HIKESHI: variants seen among roughly 807,000 people sequenced by gnomAD.
The protein encoded by HIKESHI is heat shock protein nuclear import factor hikeshi, also known as protein Hikeshi.
Under a neutral mutation model 25.7 loss-of-function variants are expected in HIKESHI, and 13 were observed. The observed-to-expected ratio is 0.51, with a 90% CI of 0.33 to 0.80. HIKESHI has a LOEUF of 0.80. Ranked by LOEUF, HIKESHI falls within the 30% of genes least tolerant of loss-of-function variation. The pLI is 0.02. For synonymous variants in HIKESHI, 76 were observed against 78.7 expected (o/e 0.97, Z 0.18); for missense variants, 174 against 229.5 (o/e 0.76, Z 1.56).
At chr11:86,335,328 C>T (rs188031884) in intron 2 of HIKESHI, among the ~76,000 whole-genome samples, 1 of 152,202 alleles carries the variant, frequency 6.6e-6, no homozygotes, top group Admixed American at 6.5e-5. Flanking sequence ...GCTACTGTTG[C>T]CCGAGGCAAA....
intron 2 of HIKESHI, among the ~76,000 whole-genome samples, chr11:86,335,000 C>T (rs1947515731): frequency 6.6e-6 from 1 of 152,268 alleles, no homozygotes; most frequent in Middle Eastern, 3.4e-3. Flanking sequence ...ATCAGGGGAA[C>T]ATTTAATCAA....
chr11:86,340,511 A>G (rs553042987), intron 3 of HIKESHI, among the ~76,000 whole-genome samples: 1 of 152,322 alleles, frequency 6.6e-6, no homozygotes, highest in South Asian at 2.1e-4. Flanking sequence ...AGTGATGATG[A>G]GCATTTTTTC....
At chr11:86,326,461 GAAA>G in intron 2 of HIKESHI, 1 of 454,824 alleles carries the variant, frequency 2.2e-6, no homozygotes, top group Non-Finnish European at 4.4e-6. Context: ...AATTACAGAA[GAAA>G]AATTTTCTGT....
At chr11:86,336,464 TAAG>T (rs1190268365) in intron 2 of HIKESHI, among the ~76,000 whole-genome samples, 1 of 152,100 alleles carries the variant, frequency 6.6e-6, no homozygotes, top group South Asian at 2.1e-4. Context: ...CTTAGAGTAA[TAAG>T]AAGATCACTT....
At chr11:86,319,742 T>C (rs1284899892) in intron 2 of HIKESHI, among the ~76,000 whole-genome samples, 2 of 152,160 alleles carry the variant, frequency 1.3e-5, no homozygotes, top group African/African-American at 4.8e-5. Flanking sequence ...TTCTCTCTTC[T>C]CCATTTCCAA....
intron 3 of HIKESHI, among the ~76,000 whole-genome samples, chr11:86,340,879 G>A (rs7117940): frequency 2.9e-3 from 436 of 152,232 alleles, no homozygotes; most frequent in African/African-American, 0.01. Flanking sequence ...TCCTGACCTC[G>A]TGATCCACCC....
Position 86,308,239 on chromosome 11 carries a change from T to C in HIKESHI, c.268+1757T>C, listed in dbSNP as rs61904304. On this transcript the variant is annotated intron_variant, in intron 2 of 4. Transcript: ENST00000278483. ...TATATTACATATAAAATATATATTA[T>C]ATATAAAATATATATTACATATAAA... is the stretch of plus-strand genomic sequence containing the variant. 4.2e-4 allele frequency among the ~76,000 whole-genome samples: 43 copies of C among 103,608 alleles called. 2 individuals carry two copies. The highest frequency in any genetic ancestry group is 9.7e-4 in the African/African-American group (22 of 22,766). The allele number at this position is 103,608 out of a possible 152,430, so 68.0% of individuals were successfully genotyped here.
At chr11:86,313,843 A>T (rs1349462225) in intron 2 of HIKESHI, among the ~76,000 whole-genome samples, 1 of 152,214 alleles carries the variant, frequency 6.6e-6, no homozygotes, top group Non-Finnish European at 1.5e-5. Flanking sequence ...TTTGGCAGAC[A>T]AGTAGGACTT....
chr11:86,318,006 T>C (rs1396093155), intron 2 of HIKESHI, among the ~76,000 whole-genome samples: 2 of 151,752 alleles, frequency 1.3e-5, no homozygotes, highest in African/African-American at 4.8e-5. Context: ...CTTTCAAGAG[T>C]AGATTGAAAT....
chr11:86,336,083 T>C (rs1232857747), intron 2 of HIKESHI, among the ~76,000 whole-genome samples: 1 of 152,166 alleles, frequency 6.6e-6, no homozygotes, highest in Non-Finnish European at 1.5e-5. Context: ...AGTTTATAGC[T>C]GAAAAGTACA....
At chr11:86,323,531 A>T (rs886876953) in intron 2 of HIKESHI, among the ~76,000 whole-genome samples, 2 of 152,358 alleles carry the variant, frequency 1.3e-5, no homozygotes, top group African/African-American at 4.8e-5. Context: ...AGACATACCA[A>T]TCAAATTGTC....
In HIKESHI at chr11:86,322,479, A is replaced by G. The variant is rs548536070; in HGVS notation, c.269-14900A>G. Among the ~76,000 whole-genome samples the G allele has an allele frequency of 2.0e-5, 3 of 152,198 alleles. No individual in the cohort carries two copies. The South Asian group carries it at 6.2e-4, about 32-fold the overall frequency. ...TGTATATATGTACATGTGTATATAT[A>G]TTCTTGATACAAGTTCCTTATCAGG... On this transcript the variant is annotated intron_variant, in intron 2 of 4. Coordinates refer to ENST00000278483, the MANE Select transcript of HIKESHI (RefSeq NM_016401.4).
Position 86,330,400 on chromosome 11 carries a change from G to C in HIKESHI, c.269-6979G>C, listed in dbSNP as rs137913042. 4.6e-3 allele frequency among the ~76,000 whole-genome samples: 700 copies of C among 152,182 alleles called. 5 individuals are homozygous for C. The highest frequency in any genetic ancestry group is 0.016 in the African/African-American group (664 of 41,524). ...ATTTATCTTCATTCTCATCATATTT[G>C]TACCAAAATTCAACATTGCAGCCCT... On this transcript the variant is annotated intron_variant, in intron 2 of 4. Transcript: ENST00000278483.
intron 2 of HIKESHI, among the ~76,000 whole-genome samples, chr11:86,322,756 A>G (rs953562245): frequency 6.6e-6 from 1 of 152,144 alleles, no homozygotes; most frequent in African/African-American, 2.4e-5. Context: ...CTGGGATCCA[A>G]TTTGAATTAA....
chr11:86,331,373 C>T (rs1470524378), intron 2 of HIKESHI, among the ~76,000 whole-genome samples: 2 of 152,258 alleles, frequency 1.3e-5, no homozygotes, highest in Non-Finnish European at 2.9e-5. Flanking sequence ...CCTGTAATTT[C>T]AGCTACTCAG....
chr11:86,317,056 T>C (rs962993385), intron 2 of HIKESHI, among the ~76,000 whole-genome samples: 35 of 152,070 alleles, frequency 2.3e-4, no homozygotes, highest in African/African-American at 7.7e-4. Context: ...CCTCCCAAAG[T>C]GCTGGGATTA....
intron 3 of HIKESHI, 32 bp downstream of exon 3, chr11:86,337,562 C>T (rs752233049): frequency 1.3e-6 from 2 of 1,595,262 alleles, no homozygotes; most frequent in Non-Finnish European, 8.6e-7. Flanking sequence ...TCTTTACCTC[C>T]CCCTCCACTG....
chr11:86,344,504 C>A, intron 3 of HIKESHI, 99 bp from the exon 4 acceptor site: 1 of 749,912 alleles, frequency 1.3e-6, no homozygotes. Flanking sequence ...ACTGACACTC[C>A]CTATAAACAA....
At chr11:86,326,079 C>G (rs1364515017) in intron 2 of HIKESHI, among the ~76,000 whole-genome samples, 1 of 152,088 alleles carries the variant, frequency 6.6e-6, no homozygotes, top group Non-Finnish European at 1.5e-5. Context: ...GGGCAGATCA[C>G]TTGAGGTCAG....
Sources: gnomAD v4.1 joint callset for allele counts (sites outside exome capture counted in the v4.1 genomes callset) on GRCh38, gnomAD v4.1.1 for gene constraint, MANE v1.5 for transcripts, NCBI Gene and HGNC (gene_info 2026-07-23, HGNC 2026-07-21) for gene names.